The following HHAT variants were observed in gnomAD, a reference collection of about 807,000 sequenced individuals.
HHAT encodes protein-cysteine N-palmitoyltransferase HHAT.
Under a neutral mutation model 70.8 loss-of-function variants are expected in HHAT, and 47 were observed. The ratio of observed to expected loss-of-function variants is 0.66; its 90% CI spans 0.53 to 0.85. HHAT has a LOEUF of 0.85. Among genes scored for constraint, HHAT ranks in the 40% least tolerant of loss-of-function variants. The probability of loss-of-function intolerance (pLI) is 0.00; values close to 1 mark genes in which losing one functional copy is unlikely to be tolerated. For missense variants in HHAT, 609 were observed against 604.8 expected (o/e 1.01, Z -0.07); for synonymous variants, 228 against 247.6 (o/e 0.92, Z 0.74).
Position 210,349,044 on chromosome 1 carries a change from T to G in HHAT, c.69T>G (p.Tyr23Ter). The change falls in exon 2 of 12, where the codon TAT becomes TAG. Residue 23 changes from tyrosine (Y) to a stop codon, truncating the protein, a stop_gained. Coordinates refer to ENST00000261458, the MANE Select transcript of HHAT (RefSeq NM_018194.6). LOFTEE classifies it high-confidence loss of function. ...TAGGCTTCCACTTCTATTCCTTCTA[T>G]GAAGTTTACAAAGTCTCCAGAGGTA... ...ASLGFHFYSFYEVYKVSREHE... is the reference protein window; with the variant it reads ...ASLGFHFYSF 1 of 1,614,082 alleles carries G rather than the reference T, an allele frequency of 6.2e-7. No individual in the cohort carries two copies. Among genetic ancestry groups the G allele is most frequent in the East Asian group, 2.2e-5 (1 of 44,872 alleles).
intron 8 of HHAT, among the ~76,000 whole-genome samples, chr1:210,490,338 G>C (rs1321791010): frequency 2.0e-5 from 3 of 152,196 alleles, no homozygotes; most frequent in Non-Finnish European, 4.4e-5. Flanking sequence ...ATACATTTCT[G>C]CCACCAGCAT....
In HHAT at chr1:210,408,194, ATTAT is replaced by A. The variant is rs553526360; in HGVS notation, c.684+3518_684+3521del. 6.3e-4 allele frequency among the ~76,000 whole-genome samples: 96 copies of A among 152,158 alleles called. 1 individual carries two copies. The South Asian group carries it at 0.013, about 21-fold the overall frequency. On this transcript the variant is annotated intron_variant, in intron 6 of 11. Transcript: ENST00000261458. ...TAAAGTGTTAATTCTTACTCTTATTATTATTTGAGACAGAGTCTGGCTCAGTTGC... is the reference window on the plus strand; with the variant it reads ...TAAAGTGTTAATTCTTACTCTTATTATTGAGACAGAGTCTGGCTCAGTTGC...
chr1:210,515,371 GAT>G (rs1321953382), intron 9 of HHAT, among the ~76,000 whole-genome samples: 2 of 152,172 alleles, frequency 1.3e-5, no homozygotes, highest in Non-Finnish European at 2.9e-5. Flanking sequence ...GGGTGTTAAA[GAT>G]GGTGGCTGGG....
At chr1:210,458,319 G>T (rs1329893250) in intron 7 of HHAT, among the ~76,000 whole-genome samples, 3 of 152,176 alleles carry the variant, frequency 2.0e-5, no homozygotes, top group African/African-American at 7.2e-5. Flanking sequence ...CCATTCATTT[G>T]TTCAGCAAAT....
At position 210,608,938 on chromosome 1, in the gene HHAT, CCTT is replaced by C. The variant is rs377367777; in HGVS notation, c.1246-14583_1246-14581del. On this transcript the variant is annotated intron_variant, in intron 10 of 11. Coordinates refer to ENST00000261458, the MANE Select transcript of HHAT (RefSeq NM_018194.6). Reference sequence around the variant, plus strand: ...CGGAAGGCGAAGGGGATGCAAGGCACCTTCTTCACAAGGCTAAAAGAGGAAGTG... The same window carrying C: ...CGGAAGGCGAAGGGGATGCAAGGCACCTTCACAAGGCTAAAAGAGGAAGTG... Among the ~76,000 whole-genome samples the C allele has an allele frequency of 2.3e-3, 350 of 152,242 alleles. 1 individual carries two copies. Among genetic ancestry groups the C allele is most frequent in the African/African-American group, 7.9e-3 (330 of 41,536 alleles).
intron 1 of HHAT, among the ~76,000 whole-genome samples, chr1:210,338,867 G>A (rs935537263): frequency 3.3e-5 from 5 of 152,136 alleles, no homozygotes; most frequent in Non-Finnish European, 7.3e-5. Flanking sequence ...GAAATACGGG[G>A]TAGATTTCAA....
intron 10 of HHAT, among the ~76,000 whole-genome samples, chr1:210,611,923 G>T (rs577301443): frequency 1.8e-4 from 27 of 152,234 alleles, no homozygotes; most frequent in Middle Eastern, 3.4e-3. Context: ...TTTTATTGAG[G>T]ATTTTTACAT....
At chr1:210,629,956 C>T (rs996818056) in intron 11 of HHAT, among the ~76,000 whole-genome samples, 5 of 152,022 alleles carry the variant, frequency 3.3e-5, no homozygotes, top group African/African-American at 1.2e-4. Flanking sequence ...TATTCTCCTG[C>T]TTCAGCCTCC....
In HHAT at chr1:210,532,990, A is replaced by G. The variant is rs140191708; in HGVS notation, c.1043+19802A>G. 3.9e-3 allele frequency among the ~76,000 whole-genome samples: 595 copies of G among 152,314 alleles called. 4 individuals are homozygous for G. The highest frequency in any genetic ancestry group is 0.014 in the African/African-American group (576 of 41,558). On this transcript the variant is annotated intron_variant, in intron 9 of 11. Transcript: ENST00000261458. ...AATCTGCACTACCTATTTTCTTTCCATGTAGGTTTTCTGGAATATACCCTA... is the reference window on the plus strand; with the variant it reads ...AATCTGCACTACCTATTTTCTTTCCGTGTAGGTTTTCTGGAATATACCCTA...
chr1:210,673,089 G>A (rs891958550), intron 11 of HHAT, among the ~76,000 whole-genome samples: 6 of 152,186 alleles, frequency 3.9e-5, no homozygotes, highest in African/African-American at 1.4e-4. Flanking sequence ...AAAGCTCTCT[G>A]TGAAATGTTG....
chr1:210,380,677 G>T (rs971176587), intron 3 of HHAT, among the ~76,000 whole-genome samples: 1 of 152,158 alleles, frequency 6.6e-6, no homozygotes, highest in East Asian at 1.9e-4. Context: ...ACTACTAAAG[G>T]CTTCCTGGGA....
intron 9 of HHAT, among the ~76,000 whole-genome samples, chr1:210,551,145 T>C (rs2095524060): frequency 6.7e-6 from 1 of 149,110 alleles, no homozygotes; most frequent in South Asian, 2.2e-4. Context: ...TAATCAAATG[T>C]CTTGGCTCTT....
chr1:210,634,244 G>A (rs1671434890), intron 11 of HHAT, among the ~76,000 whole-genome samples: 1 of 152,182 alleles, frequency 6.6e-6, no homozygotes, highest in Admixed American at 6.5e-5. Context: ...GAGAGCACTA[G>A]GAAGATGTTT....
chr1:210,616,576 A>C (rs7541034), intron 10 of HHAT, among the ~76,000 whole-genome samples: 91,447 of 151,988 alleles, frequency 0.6, 27,513 homozygotes, highest in East Asian at 0.63. Context: ...CATGCACGAC[A>C]TATTTGTTGA....
At chr1:210,658,906 C>T (rs571944363) in intron 11 of HHAT, among the ~76,000 whole-genome samples, 14 of 152,238 alleles carry the variant, frequency 9.2e-5, no homozygotes, top group East Asian at 7.7e-4. Context: ...AAAGACACAA[C>T]GTACCAGAAT....
intron 1 of HHAT, among the ~76,000 whole-genome samples, chr1:210,336,654 C>T (rs767206989): frequency 2.6e-5 from 4 of 151,898 alleles, no homozygotes; most frequent in East Asian, 1.9e-4. Flanking sequence ...GGTGGTGATG[C>T]GAGCCTGCAA....
At chr1:210,666,778 C>T (rs912033847) in intron 11 of HHAT, among the ~76,000 whole-genome samples, 2 of 151,730 alleles carry the variant, frequency 1.3e-5, no homozygotes, top group Non-Finnish European at 3.0e-5. Context: ...GCCACCATGC[C>T]TGGCCTACCA....
At chr1:210,557,245 G>A (rs1435962409) in intron 9 of HHAT, among the ~76,000 whole-genome samples, 1 of 152,236 alleles carries the variant, frequency 6.6e-6, no homozygotes, top group Non-Finnish European at 1.5e-5. Flanking sequence ...ATGTGATAGA[G>A]AAAGAATGTC....
At chr1:210,579,084 G>T (rs762628754) in intron 9 of HHAT, among the ~76,000 whole-genome samples, 17 of 152,144 alleles carry the variant, frequency 1.1e-4, no homozygotes, top group Admixed American at 2.6e-4. Context: ...ACTTATAAGT[G>T]GGAGCTAAAA....
Sources: gnomAD v4.1 joint callset for allele counts (sites outside exome capture counted in the v4.1 genomes callset) on GRCh38, gnomAD v4.1.1 for gene constraint, MANE v1.5 for transcripts, NCBI Gene and HGNC (gene_info 2026-07-23, HGNC 2026-07-21) for gene names.